IL7: variants seen among roughly 807,000 people sequenced by gnomAD.
IL7 encodes the protein interleukin 7.
In IL7, 3 loss-of-function variants were observed where a neutral mutation model predicts 21.6. The ratio of observed to expected loss-of-function variants is 0.14; its 90% CI spans 0.06 to 0.36. IL7 has a LOEUF of 0.36. Among genes scored for constraint, IL7 ranks in the 10% least tolerant of loss-of-function variants. IL7 has a pLI of 1.00. For synonymous variants in IL7, 62 were observed against 68.1 expected (o/e 0.91, Z 0.44); for missense variants, 175 against 200.2 (o/e 0.87, Z 0.76).
At chr8:78,762,555 G>A in intron 2 of IL7, 1 of 438,828 alleles carries the variant, frequency 2.3e-6, no homozygotes, top group Non-Finnish European at 3.8e-6. Context: ...CGACGCGCGG[G>A]GGAGGGGCGG....
Position 78,736,487 on chromosome 8 carries a change from G to A in IL7, c.401C>T (p.Pro134Leu), listed in dbSNP as rs1811600800. ...AATTATTCTCACCAAACTCTTTGTT[G>A]GTTGGGCTTCACCCAGGGCAGCTGG... ...RKPAALGEAQPTKSLEENKSL... is the reference protein window; with the variant it reads ...RKPAALGEAQLTKSLEENKSL... The change falls in exon 5 of 6, where the codon CCA (proline) becomes CTA (leucine). Residue 134 changes from proline (P) to leucine (L), a missense_variant. Pro to Leu is a moderately conservative substitution (Grantham distance 98). Transcript: ENST00000263851. 3 of 1,600,592 alleles carry A rather than the reference G, an allele frequency of 1.9e-6. No homozygotes were observed. The highest frequency in any genetic ancestry group is 2.6e-6 in the Non-Finnish European group (3 of 1,170,700).
chr8:78,746,365 A>C (rs1314353372), intron 2 of IL7, among the ~76,000 whole-genome samples: 2 of 152,252 alleles, frequency 1.3e-5, no homozygotes, highest in Non-Finnish European at 2.9e-5. Context: ...CTATTCATGC[A>C]GGTATTGGCA....
chr8:78,709,319 T>A (rs1463531318), intron 3 of IL7, among the ~76,000 whole-genome samples: 2 of 152,236 alleles, frequency 1.3e-5, no homozygotes, highest in Non-Finnish European at 2.9e-5. Flanking sequence ...AGTTTTTGAG[T>A]ACATTTTTAT....
rs552466889 is a variant in IL7, at chr8:78,685,644, A to G, written n.273+245T>C. Among the ~76,000 whole-genome samples, 19 of 152,358 alleles carry G rather than the reference A, an allele frequency of 1.2e-4. No individual in the cohort carries two copies. In the East Asian group the frequency reaches 3.5e-3, roughly 28 times the overall value. The stretch of plus-strand genomic sequence containing the variant: ...GTCCACAGTAAAGACAATACATTAA[A>G]TGATTCTTAGTAATTTAAAAAGGTG... On this transcript the variant is annotated intron_variant and non_coding_transcript_variant, in intron 4 of 4. Transcript: ENST00000523959.
At position 78,761,734 on chromosome 8, in the gene IL7, T is replaced by C. The variant is rs1186320714; in HGVS notation, c.148-21652A>G. 7 of 1,611,930 alleles carry C rather than the reference T, an allele frequency of 4.3e-6. No individual in the cohort carries two copies. The Admixed American group carries it at 8.3e-5, about 19-fold the overall frequency. ...CTAGCATCTGCCTCTGCTGTGTTTT[T>C]GAACAAAACAACGTGTTAACTGCTG... On this transcript the variant is annotated intron_variant, in intron 2 of 5. Coordinates refer to ENST00000263851, the MANE Select transcript of IL7 (RefSeq NM_000880.4).
intron 2 of IL7, among the ~76,000 whole-genome samples, chr8:78,768,209 T>C (rs1812824322): frequency 6.6e-6 from 1 of 152,188 alleles, no homozygotes; most frequent in African/African-American, 2.4e-5. Flanking sequence ...TTTGCTATTG[T>C]GAATAGTGCC....
At chr8:78,687,545 AAATT>A (rs1810034854) in intron 3 of IL7, among the ~76,000 whole-genome samples, 1 of 143,758 alleles carries the variant, frequency 7.0e-6, no homozygotes, top group African/African-American at 2.5e-5. Flanking sequence ...TTTATATAAT[AAATT>A]TTATATTTAC....
intron 4 of IL7, chr8:78,676,133 A>AC (rs1809571659): frequency 3.8e-6 from 1 of 260,526 alleles, no homozygotes; most frequent in Admixed American, 5.3e-5. Flanking sequence ...AATAAAAAAA[A>AC]AAAAACAAAA....
At chr8:78,715,377 G>A (rs779424018), downstream of IL7, 2 of 1,508,924 alleles carry the variant, frequency 1.3e-6, no homozygotes, top group Non-Finnish European at 1.8e-6. Context: ...TTGAGTATAT[G>A]ATAGTTTTCC....
chr8:78,787,218 G>GCC, intron 2 of IL7, among the ~76,000 whole-genome samples: 1 of 152,164 alleles, frequency 6.6e-6, no homozygotes, highest in Non-Finnish European at 1.5e-5. Flanking sequence ...CAGTTGGTCA[G>GCC]AAGCACAGGT....
intron 2 of IL7, among the ~76,000 whole-genome samples, chr8:78,771,890 C>A (rs186728826): frequency 1.4e-4 from 21 of 152,184 alleles, no homozygotes; most frequent in Non-Finnish European, 2.6e-4. Flanking sequence ...GGAATACAAT[C>A]ATAACATTGG....
At chr8:78,687,849 T>A (rs10097113) in intron 3 of IL7, among the ~76,000 whole-genome samples, 3 of 88,040 alleles carry the variant, frequency 3.4e-5, no homozygotes, top group East Asian at 3.4e-4. Flanking sequence ...ATATATATAT[T>A]TATATAATAT....
chr8:78,729,812 T>G (rs1395438492), downstream of IL7, among the ~76,000 whole-genome samples: 1 of 152,032 alleles, frequency 6.6e-6, no homozygotes. Flanking sequence ...GTTAAAGTTC[T>G]CATTTGAATC....
At chr8:78,734,806 A>T (rs1462120747) in intron 5 of IL7, among the ~76,000 whole-genome samples, 1 of 152,186 alleles carries the variant, frequency 6.6e-6, no homozygotes, top group East Asian at 1.9e-4. Context: ...TTGCTTAATC[A>T]TCATATGAAC....
At chr8:78,678,373 C>T (rs1017770631) in intron 4 of IL7, among the ~76,000 whole-genome samples, 2 of 152,086 alleles carry the variant, frequency 1.3e-5, no homozygotes, top group Admixed American at 6.5e-5. Flanking sequence ...TAACTTAGAG[C>T]GTGCATTATA....
At chr8:78,760,377 G>C in intron 2 of IL7, 1 of 1,609,920 alleles carries the variant, frequency 6.2e-7, no homozygotes, top group Non-Finnish European at 8.5e-7. Context: ...AGAATACACA[G>C]GACCTTCAGC....
chr8:78,689,189 C>T (rs760219335), intron 3 of IL7: 12 of 1,407,780 alleles, frequency 8.5e-6, no homozygotes, highest in South Asian at 1.7e-5. Context: ...AAGTACTATG[C>T]TATTAATCTG....
intron 2 of IL7, among the ~76,000 whole-genome samples, chr8:78,767,493 AATT>A (rs1424330943): frequency 6.6e-6 from 1 of 152,100 alleles, no homozygotes; most frequent in Non-Finnish European, 1.5e-5. Context: ...TAATTATTAA[AATT>A]ATATTCTCTA....
At chr8:78,756,840 G>A (rs1456215340) in intron 2 of IL7, among the ~76,000 whole-genome samples, 1 of 150,876 alleles carries the variant, frequency 6.6e-6, no homozygotes, top group Non-Finnish European at 1.5e-5. Context: ...ATTTTGTTTT[G>A]TTAATAGTTT....
Sources: allele counts gnomAD v4.1 joint callset (sites outside exome capture counted in the v4.1 genomes callset), GRCh38; gene constraint gnomAD v4.1.1; transcripts MANE v1.5; gene names NCBI Gene and HGNC (gene_info 2026-07-23, HGNC 2026-07-21).